The following RFFL variants were observed in gnomAD, a reference collection of about 807,000 sequenced individuals.
RFFL encodes the protein ring finger and FYVE like domain containing E3 ubiquitin protein ligase, also known as E3 ubiquitin-protein ligase rififylin.
RFFL carries 16 observed loss-of-function variants against 40.4 expected under a neutral mutation model. That is an observed-to-expected ratio of 0.40 (90% confidence interval 0.27 to 0.60). RFFL has a LOEUF of 0.60. RFFL is among the 20% of genes least tolerant of loss of function. The pLI is 0.47. For synonymous variants in RFFL, 154 were observed against 167.9 expected (o/e 0.92, Z 0.64); for missense variants, 367 against 451.7 (o/e 0.81, Z 1.70).
chr17:35,039,353 G>A (rs2091147578), intron 1 of RFFL, among the ~76,000 whole-genome samples: 2 of 152,120 alleles, frequency 1.3e-5, no homozygotes, highest in Admixed American at 6.6e-5. Flanking sequence ...CCGAGTAGCT[G>A]GGATTACAGG....
chr17:35,017,390 T>C (rs2090980705), intron 4 of RFFL, 133 bp downstream of exon 4: 1 of 661,480 alleles, frequency 1.5e-6, no homozygotes, highest in Non-Finnish European at 2.8e-6. Context: ...CACTAAACCC[T>C]ACCCCAAAAA....
At chr17:35,067,501 G>A (rs2091326509), upstream of RFFL, among the ~76,000 whole-genome samples, 1 of 144,156 alleles carries the variant, frequency 6.9e-6, no homozygotes, top group South Asian at 2.2e-4. Context: ...CTGTCGCCCA[G>A]GTTGGAGTGC....
chr17:35,080,687 T>C (rs890062356), intron 1 of RFFL, among the ~76,000 whole-genome samples: 1 of 152,190 alleles, frequency 6.6e-6, no homozygotes, highest in Non-Finnish European at 1.5e-5. Flanking sequence ...CCTAACTTCC[T>C]GTAAGTTTCA....
At chr17:35,055,153 C>CAG (rs1422721089) in intron 1 of RFFL, among the ~76,000 whole-genome samples, 2 of 151,946 alleles carry the variant, frequency 1.3e-5, no homozygotes, top group Non-Finnish European at 2.9e-5. Context: ...CTCCTGACCT[C>CAG]GTGATCCACT....
chr17:35,012,033 G>A lies in RFFL; in HGVS notation c.1027C>T (p.Arg343Cys), dbSNP rs755282523. The A allele has an allele frequency of 7.4e-6, 12 of 1,614,016 alleles. No individual in the cohort carries two copies. Among genetic ancestry groups the A allele is most frequent in the Middle Eastern group, 1.6e-4 (1 of 6,084 alleles). Residue 343 changes from arginine (R) to cysteine (C), a missense_variant, in exon 7 of 7, where the codon CGC (arginine) becomes TGC (cysteine). Physicochemically the swap from Arg to Cys is radical, Grantham distance 180. Transcript: ENST00000394597. ...CGGCAGATGGGACATTCATTCATGC[G>A]CTTGCCACACTTGGTACAGGTTACC... ...HMVTCTKCGK[R>C]MNECPICRQY...
chr17:35,083,682 G>A (rs887759420), intron 1 of RFFL, among the ~76,000 whole-genome samples: 3 of 151,880 alleles, frequency 2.0e-5, no homozygotes, highest in African/African-American at 7.2e-5. Flanking sequence ...TTGGGAGGCT[G>A]AGGCAGGAGA....
chr17:35,048,429 A>T (rs564700989), intron 1 of RFFL, among the ~76,000 whole-genome samples: 1 of 152,248 alleles, frequency 6.6e-6, no homozygotes, highest in South Asian at 2.1e-4. Context: ...ATTAATTAAA[A>T]AAATAAAAAT....
intron 1 of RFFL, among the ~76,000 whole-genome samples, chr17:35,087,006 TTGC>T (rs537776429): frequency 2.9e-4 from 44 of 152,336 alleles, no homozygotes; most frequent in Non-Finnish European, 5.3e-4. Flanking sequence ...TTTGTTATTG[TTGC>T]TGTTTGTTTT....
At chr17:35,048,124 C>T (rs931623347) in intron 1 of RFFL, among the ~76,000 whole-genome samples, 8 of 151,900 alleles carry the variant, frequency 5.3e-5, no homozygotes, top group Non-Finnish European at 8.8e-5. Context: ...ATTTAGGGGC[C>T]GGGCACGGTG....
intron 3 of RFFL, among the ~76,000 whole-genome samples, chr17:35,020,982 A>G (rs1356127656): frequency 1.3e-5 from 2 of 152,184 alleles, no homozygotes; most frequent in Non-Finnish European, 2.9e-5. Context: ...GTTACTAAGG[A>G]ACTAAGTTTC....
At position 35,016,408 on chromosome 17, in the gene RFFL, G is replaced by C. The variant is rs1597812028; in HGVS notation, c.848C>G (p.Thr283Ser). The C allele has an allele frequency of 3.1e-6, 5 of 1,614,114 alleles. No homozygotes were observed. The East Asian group carries it at 1.1e-4, about 36-fold the overall frequency. The change falls in exon 5 of 7, where the codon ACC becomes AGC. Residue 283 changes from threonine (T) to serine (S), a missense_variant. By Grantham distance (58) the Thr-to-Ser change is moderately conservative (BLOSUM62 1). Transcript: ENST00000394597. ...TCCTTTCTGATCCTTGTATAGCCGG[G>C]TCACTCTCTCCATCAGCTCCCACTT... is the stretch of plus-strand genomic sequence containing the variant. ...CEKWELMERV[T>S]RLYKDQKGLQ... is the part of the protein sequence containing the mutation.
chr17:35,034,575 C>G (rs1435691099), intron 1 of RFFL, among the ~76,000 whole-genome samples: 1 of 151,444 alleles, frequency 6.6e-6, no homozygotes, highest in African/African-American at 2.4e-5. Flanking sequence ...GTCACCCAGG[C>G]TGGAGTACAA....
chr17:35,032,456 AAG>A (rs2091091501), intron 1 of RFFL, among the ~76,000 whole-genome samples: 1 of 151,966 alleles, frequency 6.6e-6, no homozygotes, highest in African/African-American at 2.4e-5. Flanking sequence ...GGGGAGAGAA[AAG>A]AGAGTCTAGG....
intron 1 of RFFL, among the ~76,000 whole-genome samples, chr17:35,031,386 C>T (rs1246194110): frequency 2.0e-5 from 3 of 152,008 alleles, no homozygotes; most frequent in Admixed American, 2.0e-4. Context: ...GGATTACAGG[C>T]GTGAGCCACC....
Position 35,021,749 on chromosome 17 carries a change from G to A in RFFL, c.213C>T (p.Cys71=), listed in dbSNP as rs754836619. 1 of 1,614,202 alleles carries A rather than the reference G, an allele frequency of 6.2e-7. No homozygotes were observed. Among genetic ancestry groups the A allele is most frequent in the Admixed American group, 1.7e-5 (1 of 60,028 alleles). Residue 71 remains cysteine, a synonymous_variant, in exon 3 of 7, where the codon TGC becomes TGT. Transcript: ENST00000394597. ...QTCLDCKKNF[C]MTCSSQVGNG... is the part of the protein sequence containing the mutation. ...TCCCTACTTGGCTCGAACAGGTCAT[G>A]CAAAAATTTTTCTTACAGTCCAAGC...
intron 1 of RFFL, among the ~76,000 whole-genome samples, chr17:35,060,346 T>C (rs770095967): frequency 2.7e-4 from 41 of 152,314 alleles, no homozygotes; most frequent in Middle Eastern, 6.8e-3. Context: ...CGTTAGCACT[T>C]GCCTATCGAG....
chr17:35,039,601 G>A (rs1331581075), intron 1 of RFFL, among the ~76,000 whole-genome samples: 1 of 151,532 alleles, frequency 6.6e-6, no homozygotes, highest in Non-Finnish European at 1.5e-5. Context: ...ACCCCATTTT[G>A]ACCCCACATT....
chr17:35,072,653 TA>T (rs2091356653), intron 1 of RFFL, among the ~76,000 whole-genome samples: 1 of 151,740 alleles, frequency 6.6e-6, no homozygotes, highest in Non-Finnish European at 1.5e-5. Context: ...AAATGAGACA[TA>T]ACCAATGGGA....
At chr17:35,036,922 C>G (rs1347039020) in intron 1 of RFFL, among the ~76,000 whole-genome samples, 1 of 152,136 alleles carries the variant, frequency 6.6e-6, no homozygotes, top group Non-Finnish European at 1.5e-5. Context: ...AGTAGAAGGG[C>G]CATGCTGGTT....
Sources: gnomAD v4.1 joint callset for allele counts (sites outside exome capture counted in the v4.1 genomes callset) on GRCh38, gnomAD v4.1.1 for gene constraint, MANE v1.5 for transcripts, NCBI Gene and HGNC (gene_info 2026-07-23, HGNC 2026-07-21) for gene names.